The following PTPRD variants were observed in gnomAD, a reference collection of about 807,000 sequenced individuals.
The protein encoded by PTPRD is receptor-type tyrosine-protein phosphatase delta.
A neutral mutation model predicts 214.5 loss-of-function variants in PTPRD; 34 were observed. The observed-to-expected ratio is 0.16, with a 90% CI of 0.12 to 0.21. The LOEUF is 0.21. Among genes scored for constraint, PTPRD ranks in the 10% least tolerant of loss-of-function variants. The pLI is 1.00. For synonymous variants in PTPRD, 1,128 were observed against 845.7 expected (o/e 1.33, Z -5.79); for missense variants, 2,545 against 2,398.7 (o/e 1.06, Z -1.27).
chr9:8,835,479 C>T (rs1040535598), intron 11 of PTPRD, among the ~76,000 whole-genome samples: 9 of 152,230 alleles, frequency 5.9e-5, no homozygotes, highest in African/African-American at 1.9e-4. Flanking sequence ...ACCGCATACA[C>T]TGATAGACTG....
chr9:8,916,498 A>AGAG lies in PTPRD; in HGVS notation c.-104+102196_-104+102198dup, dbSNP rs1256796144. Reference sequence around the variant, plus strand: ...TTCCCTAGAATATGGAATAGGTGGAAGAGTAAATTAGTGACGATGAACTGG... The same window carrying AGAG: ...TTCCCTAGAATATGGAATAGGTGGAAGAGGAGTAAATTAGTGACGATGAACTGG... On this transcript the variant is annotated intron_variant, in intron 11 of 45. Coordinates refer to ENST00000381196, the MANE Select transcript of PTPRD (RefSeq NM_002839.4). 2.6e-5 allele frequency among the ~76,000 whole-genome samples: 4 copies of AGAG among 152,154 alleles called. No individual in the cohort carries two copies. In the East Asian group the frequency reaches 7.7e-4, roughly 29 times the overall value.
At chr9:9,002,093 G>A (rs1434098874) in intron 11 of PTPRD, among the ~76,000 whole-genome samples, 1 of 151,586 alleles carries the variant, frequency 6.6e-6, no homozygotes, top group Non-Finnish European at 1.5e-5. Context: ...CGTAACAAAA[G>A]ATTTTTTCCC....
intron 8 of PTPRD, among the ~76,000 whole-genome samples, chr9:9,436,539 C>G (rs1351174445): frequency 6.6e-6 from 1 of 151,868 alleles, no homozygotes; most frequent in Non-Finnish European, 1.5e-5. Context: ...AAAATAATTT[C>G]CTTTAAATTT....
intron 9 of PTPRD, among the ~76,000 whole-genome samples, chr9:9,263,858 C>A (rs1027399304): frequency 6.6e-6 from 1 of 151,578 alleles, no homozygotes; most frequent in Non-Finnish European, 1.5e-5. Context: ...TTACTATGCT[C>A]AGTGTCTGGG....
chr9:10,196,897 C>G (rs1431673151), intron 3 of PTPRD, among the ~76,000 whole-genome samples: 1 of 152,088 alleles, frequency 6.6e-6, no homozygotes, highest in Non-Finnish European at 1.5e-5. Flanking sequence ...AAAGCATTTT[C>G]ACTTGCCCTT....
At chr9:9,936,333 A>G (rs1321063700) in intron 5 of PTPRD, among the ~76,000 whole-genome samples, 3 of 151,878 alleles carry the variant, frequency 2.0e-5, no homozygotes, top group Non-Finnish European at 4.4e-5. Flanking sequence ...TACTCATCTG[A>G]CAAAGGGCTA....
intron 14 of PTPRD, among the ~76,000 whole-genome samples, chr9:8,621,577 C>CA (rs2095826593): frequency 6.6e-6 from 1 of 151,742 alleles, no homozygotes; most frequent in African/African-American, 2.4e-5. Flanking sequence ...TCATTTAAGT[C>CA]AGAGTGAATT....
chr9:8,851,129 C>A (rs1470333947), intron 11 of PTPRD, among the ~76,000 whole-genome samples: 3 of 151,442 alleles, frequency 2.0e-5, no homozygotes, highest in Non-Finnish European at 4.4e-5. Context: ...CTCTTGAAAC[C>A]TGATACTTCA....
chr9:8,601,157 T>C (rs1457308720), intron 14 of PTPRD, among the ~76,000 whole-genome samples: 2 of 152,128 alleles, frequency 1.3e-5, no homozygotes, highest in African/African-American at 4.8e-5. Flanking sequence ...TGTTCCTCTA[T>C]CTGTGGAAAG....
At chr9:10,185,171 A>C (rs1338649477) in intron 3 of PTPRD, among the ~76,000 whole-genome samples, 1 of 151,892 alleles carries the variant, frequency 6.6e-6, no homozygotes, top group Non-Finnish European at 1.5e-5. Context: ...AGAATTTGAA[A>C]CTCTTTTCTA....
chr9:8,728,791 C>G (rs1177160408), intron 12 of PTPRD, among the ~76,000 whole-genome samples: 2 of 151,900 alleles, frequency 1.3e-5, no homozygotes, highest in African/African-American at 2.4e-5. Flanking sequence ...ACCAGCCTGG[C>G]CAACATGGTG....
At chr9:9,334,822 C>T (rs940797249) in intron 9 of PTPRD, among the ~76,000 whole-genome samples, 1 of 151,836 alleles carries the variant, frequency 6.6e-6, no homozygotes, top group South Asian at 2.1e-4. Context: ...AAATAAAGAT[C>T]TTCCAAGGTA....
At chr9:8,829,489 G>A (rs1344067073) in intron 11 of PTPRD, among the ~76,000 whole-genome samples, 3 of 147,928 alleles carry the variant, frequency 2.0e-5, no homozygotes, top group Non-Finnish European at 4.5e-5. Flanking sequence ...GAGTAGCTCT[G>A]CATTGTGCAT....
At chr9:8,328,897 C>G (rs1317725610) in intron 44 of PTPRD, among the ~76,000 whole-genome samples, 1 of 152,128 alleles carries the variant, frequency 6.6e-6, no homozygotes, top group Middle Eastern at 3.4e-3. Flanking sequence ...ATGTTTTTCT[C>G]TAAACTGCTT....
Position 8,820,657 on chromosome 9 carries a change from A to C in PTPRD, c.-103-86711T>G, listed in dbSNP as rs1194362559. ...TTATGCCTTTTTCTGGCATGGTAAT[A>C]TTTTGTATTTAAAGAAATCAATTTC... On this transcript the variant is annotated intron_variant, in intron 11 of 45. Coordinates refer to ENST00000381196, the MANE Select transcript of PTPRD (RefSeq NM_002839.4). 2.6e-5 allele frequency among the ~76,000 whole-genome samples: 4 copies of C among 152,054 alleles called. No individual in the cohort carries two copies. In the East Asian group the frequency reaches 7.7e-4, roughly 29 times the overall value.
chr9:10,023,506 T>C (rs939087034), intron 4 of PTPRD, among the ~76,000 whole-genome samples: 3 of 152,220 alleles, frequency 2.0e-5, no homozygotes, highest in Non-Finnish European at 2.9e-5. Context: ...TTAACTTCTG[T>C]GTTTGTACCA....
At chr9:9,491,528 G>C (rs1355886321) in intron 8 of PTPRD, among the ~76,000 whole-genome samples, 2 of 151,952 alleles carry the variant, frequency 1.3e-5, no homozygotes, top group East Asian at 3.9e-4. Flanking sequence ...TTAAGGACAA[G>C]CCATATGTTA....
At chr9:9,928,261 T>C (rs1042689207) in intron 5 of PTPRD, among the ~76,000 whole-genome samples, 7 of 152,198 alleles carry the variant, frequency 4.6e-5, no homozygotes, top group Non-Finnish European at 5.9e-5. Flanking sequence ...TCCAGATCAA[T>C]GAATCAATGC....
At chr9:8,790,942 G>A (rs774233618) in intron 11 of PTPRD, among the ~76,000 whole-genome samples, 1 of 152,080 alleles carries the variant, frequency 6.6e-6, no homozygotes, top group Non-Finnish European at 1.5e-5. Context: ...CTCTATACTG[G>A]ACAAAACAGA....
Sources: gnomAD v4.1 joint callset for allele counts (sites outside exome capture counted in the v4.1 genomes callset) on GRCh38, gnomAD v4.1.1 for gene constraint, MANE v1.5 for transcripts, NCBI Gene and HGNC (gene_info 2026-07-23, HGNC 2026-07-21) for gene names.